RNF216: variants seen among roughly 807,000 people sequenced by gnomAD.
RNF216 encodes ring finger protein 216.
A neutral mutation model predicts 110.8 loss-of-function variants in RNF216; 72 were observed. The ratio of observed to expected loss-of-function variants is 0.65; its 90% CI spans 0.54 to 0.79. The LOEUF (loss-of-function observed/expected upper bound fraction) is 0.79. Ranked by LOEUF, RNF216 falls within the 30% of genes least tolerant of loss-of-function variation. RNF216 has a pLI of 0.00. For synonymous variants in RNF216, 495 were observed against 407.5 expected (o/e 1.21, Z -2.59); for missense variants, 1,342 against 1,141.2 (o/e 1.18, Z -2.54).
chr7:5,628,580 T>G (rs1453892872), intron 15 of RNF216, among the ~76,000 whole-genome samples: 1 of 152,198 alleles, frequency 6.6e-6, no homozygotes, highest in African/African-American at 2.4e-5. Context: ...TGGGGTGCAG[T>G]GGCACCATCA....
intron 13 of RNF216, among the ~76,000 whole-genome samples, chr7:5,664,941 C>T (rs145945121): frequency 3.9e-5 from 6 of 152,192 alleles, no homozygotes; most frequent in Non-Finnish European, 8.8e-5. Context: ...GGATTACAGG[C>T]GCCCGCCACC....
At chr7:5,689,384 G>GA (rs1791186506) in intron 13 of RNF216, among the ~76,000 whole-genome samples, 25 of 142,100 alleles carry the variant, frequency 1.8e-4, no homozygotes, top group Admixed American at 5.6e-4. Flanking sequence ...AAAAAAGAAA[G>GA]AAGAAGAAAA....
chr7:5,624,039 T>C lies in RNF216; in HGVS notation c.2452+17A>G. The C allele has an allele frequency of 6.2e-7, 1 of 1,610,978 alleles. No homozygotes were observed. Among genetic ancestry groups the C allele is most frequent in the Non-Finnish European group, 8.5e-7 (1 of 1,178,336 alleles). ...TGGCTGCTGCTCTGTCCTGGGGGCC[T>C]GGGGAGGGGCACTTGCCTCCATTCT... On this transcript the variant is annotated intron_variant, in intron 16 of 16. Coordinates refer to ENST00000389902, the MANE Select transcript of RNF216 (RefSeq NM_207111.4). The surrounding 1 kb of genome is among the most constrained non-coding windows in gnomAD (Gnocchi z 4.4).
intron 14 of RNF216, among the ~76,000 whole-genome samples, chr7:5,646,221 T>C (rs1323989155): frequency 3.3e-5 from 5 of 152,162 alleles, no homozygotes; most frequent in Non-Finnish European, 7.3e-5. Context: ...TTTTGTAAAT[T>C]AGCCGGGCAT....
chr7:5,712,165 TGCCAAGATATGTAGACAG>T (rs906653378), intron 12 of RNF216, among the ~76,000 whole-genome samples: 1 of 152,060 alleles, frequency 6.6e-6, no homozygotes, highest in Non-Finnish European at 1.5e-5. Flanking sequence ...GATTTGGGGG[TGCCAAGATATGTAGACAG>T]AAGTTTGAGC....
chr7:5,653,537 C>T (rs1788529529), intron 13 of RNF216, among the ~76,000 whole-genome samples: 1 of 130,788 alleles, frequency 7.6e-6, no homozygotes, highest in African/African-American at 2.9e-5. Flanking sequence ...GGAGGCGGAG[C>T]TTGCAGTGAG....
chr7:5,754,779 G>C (rs896992346), intron 2 of RNF216, among the ~76,000 whole-genome samples: 4 of 152,116 alleles, frequency 2.6e-5, no homozygotes, highest in African/African-American at 9.7e-5. Flanking sequence ...TGTAATCCCA[G>C]AACTTTGGGA....
intron 2 of RNF216, among the ~76,000 whole-genome samples, chr7:5,754,992 C>T (rs752115753): frequency 1.4e-5 from 2 of 143,476 alleles, no homozygotes; most frequent in Non-Finnish European, 3.0e-5. Context: ...CATGCCACTG[C>T]ACTCCAGCCT....
intron 5 of RNF216, among the ~76,000 whole-genome samples, chr7:5,737,186 C>A (rs1171900404): frequency 1.3e-5 from 2 of 152,212 alleles, no homozygotes; most frequent in East Asian, 1.9e-4. Flanking sequence ...AAGAAAAATT[C>A]TTCCGCCTTG....
intron 3 of RNF216, among the ~76,000 whole-genome samples, chr7:5,751,280 C>T (rs1358817324): frequency 6.6e-6 from 1 of 152,134 alleles, no homozygotes; most frequent in Non-Finnish European, 1.5e-5. Flanking sequence ...CTGAGAGTGG[C>T]ACTGATGCCC....
chr7:5,656,976 G>T (rs1788784995), intron 13 of RNF216, among the ~76,000 whole-genome samples: 1 of 152,190 alleles, frequency 6.6e-6, no homozygotes. Context: ...GAAAATCTGA[G>T]CCCACAGGCC....
intron 8 of RNF216, among the ~76,000 whole-genome samples, chr7:5,724,554 C>A (rs1793634768): frequency 6.6e-6 from 1 of 152,210 alleles, no homozygotes; most frequent in Non-Finnish European, 1.5e-5. Flanking sequence ...GTCATGTCAG[C>A]AGAGCCACTG....
Position 5,758,061 on chromosome 7 carries a change from G to A in RNF216, c.67+2942C>T, listed in dbSNP as rs184961666. Reference sequence around the variant, plus strand: ...CTATATACCTGAAAAAAGTTCTCATGATGGGTGCAGAGTATACATACTCGT... The same window carrying A: ...CTATATACCTGAAAAAAGTTCTCATAATGGGTGCAGAGTATACATACTCGT... On this transcript the variant is annotated intron_variant, in intron 2 of 16. Transcript: ENST00000389902. Among the ~76,000 whole-genome samples, 467 of 152,292 alleles carry A rather than the reference G, an allele frequency of 3.1e-3. 5 individuals carry two copies. The highest frequency in any genetic ancestry group is 0.01 in the African/African-American group (431 of 41,576).
chr7:5,711,013 T>G (rs951385572), intron 13 of RNF216, among the ~76,000 whole-genome samples: 1 of 152,232 alleles, frequency 6.6e-6, no homozygotes, highest in Non-Finnish European at 1.5e-5. Flanking sequence ...TTCTTCCTTT[T>G]CTAATCTCTA....
chr7:5,748,948 G>A (rs747348459), intron 3 of RNF216, among the ~76,000 whole-genome samples: 69 of 152,060 alleles, frequency 4.5e-4, no homozygotes, highest in Middle Eastern at 3.4e-3. Flanking sequence ...CTATATATGC[G>A]TTATGTGTGT....
intron 14 of RNF216, among the ~76,000 whole-genome samples, 182 bp from the exon 15 acceptor site, chr7:5,641,558 C>T (rs954712668): frequency 2.6e-5 from 4 of 152,044 alleles, no homozygotes; most frequent in Non-Finnish European, 5.9e-5. Flanking sequence ...ATTGTATGAC[C>T]TTCAGTAAAT....
intron 13 of RNF216, among the ~76,000 whole-genome samples, chr7:5,706,518 A>G (rs1047511366): frequency 6.6e-6 from 1 of 152,212 alleles, no homozygotes; most frequent in African/African-American, 2.4e-5. Context: ...ACTGAACACA[A>G]TGTCCCTCAA....
intron 13 of RNF216, among the ~76,000 whole-genome samples, chr7:5,709,263 T>C (rs577743536): frequency 2.6e-5 from 4 of 152,306 alleles, no homozygotes; most frequent in Admixed American, 2.0e-4. Flanking sequence ...ATTAGATATA[T>C]GTTCCAGTCT....
intron 13 of RNF216, among the ~76,000 whole-genome samples, chr7:5,683,921 G>A (rs964544468): frequency 2.6e-5 from 4 of 152,012 alleles, no homozygotes; most frequent in African/African-American, 9.7e-5. Flanking sequence ...AATAGGGACG[G>A]GCATCACTTG....
Sources: gnomAD v4.1 joint callset for allele counts (sites outside exome capture counted in the v4.1 genomes callset) on GRCh38, gnomAD v4.1.1 for gene constraint, Gnocchi (gnomAD v3.1) non-coding constraint, MANE v1.5 for transcripts, NCBI Gene and HGNC (gene_info 2026-07-23, HGNC 2026-07-21) for gene names.